SYT17: variants seen among roughly 807,000 people sequenced by gnomAD.
The protein encoded by SYT17 is synaptotagmin-17.
In SYT17, 22 loss-of-function variants were observed where a neutral mutation model predicts 46.7. The ratio of observed to expected loss-of-function variants is 0.47; its 90% CI spans 0.34 to 0.67. The LOEUF (loss-of-function observed/expected upper bound fraction) is 0.67. Ranked by LOEUF, SYT17 falls within the 30% of genes least tolerant of loss-of-function variation. SYT17 has a pLI of 0.01. For synonymous variants in SYT17, 251 were observed against 248.4 expected (o/e 1.01, Z -0.10); for missense variants, 519 against 612.8 (o/e 0.85, Z 1.62).
chr16:19,232,900 T>C (rs1037560936), intron 7 of SYT17, among the ~76,000 whole-genome samples: 4 of 152,096 alleles, frequency 2.6e-5, no homozygotes, highest in South Asian at 4.2e-4. Context: ...CTGCACATTG[T>C]TTGACTCCCT....
intron 5 of SYT17, 54 bp downstream of exon 5, chr16:19,184,201 AT>A: frequency 6.5e-7 from 1 of 1,528,348 alleles, no homozygotes; most frequent in Non-Finnish European, 8.8e-7. Context: ...AAAAGTGATT[AT>A]TTTTATTTTA....
chr16:19,228,821 C>T (rs922353432), intron 7 of SYT17, among the ~76,000 whole-genome samples: 11 of 152,170 alleles, frequency 7.2e-5, no homozygotes, highest in Middle Eastern at 6.8e-3. Context: ...ACCTCTAGGC[C>T]GAGGAACCAA....
Position 19,196,418 on chromosome 16 carries a change from T to C in SYT17, c.951+12271T>C, listed in dbSNP as rs528622191. ...CCACCACACCCGGTTAATTTTTGTA[T>C]TTTTAGTAGAGACAAGGTTTCACCA... On this transcript the variant is annotated intron_variant, in intron 5 of 7. Transcript: ENST00000355377. Among the ~76,000 whole-genome samples, 20 of 152,122 alleles carry C rather than the reference T, an allele frequency of 1.3e-4. No homozygotes were observed. The East Asian group carries it at 3.9e-3, about 29-fold the overall frequency.
In SYT17 at chr16:19,233,034, A is replaced by G. The variant is rs547284657; in HGVS notation, c.1228+8196A>G. Among the ~76,000 whole-genome samples the G allele has an allele frequency of 2.5e-4, 38 of 152,198 alleles. No homozygotes were observed. In the South Asian group the frequency reaches 7.7e-3, roughly 31 times the overall value. On this transcript the variant is annotated intron_variant, in intron 7 of 7. Coordinates refer to ENST00000355377, the MANE Select transcript of SYT17 (RefSeq NM_016524.4). ...TTTTGGGGTTTTGGAAGGCATCTGT[A>G]TTCTTCAAAGCTCCCAGGTGGCTCT... is the stretch of plus-strand genomic sequence containing the variant.
At chr16:19,214,502 C>T (rs188229055) in intron 5 of SYT17, among the ~76,000 whole-genome samples, 2 of 152,046 alleles carry the variant, frequency 1.3e-5, no homozygotes, top group East Asian at 3.9e-4. Flanking sequence ...GCTTGGCCCT[C>T]GTCAGCTTTT....
intron 7 of SYT17, among the ~76,000 whole-genome samples, chr16:19,246,996 G>T (rs1191820365): frequency 1.3e-5 from 2 of 152,136 alleles, no homozygotes; most frequent in Non-Finnish European, 2.9e-5. Flanking sequence ...ATGGGGTGAG[G>T]GTGACAGTTA....
Position 19,196,908 on chromosome 16 carries a change from C to T in SYT17, c.951+12761C>T, listed in dbSNP as rs192810169. Among the ~76,000 whole-genome samples the T allele has an allele frequency of 4.6e-5, 7 of 152,220 alleles. 1 individual carries two copies. Among genetic ancestry groups the T allele is most frequent in the African/African-American group, 1.4e-4 (6 of 41,522 alleles). On this transcript the variant is annotated intron_variant, in intron 5 of 7. Coordinates refer to ENST00000355377, the MANE Select transcript of SYT17 (RefSeq NM_016524.4). ...AATTTGAGGTGCTCAGAGTTATGTG[C>T]TCATTGGACCCGGTACTTGGAAACT...
chr16:19,247,740 A>G (rs1025534167), intron 7 of SYT17, among the ~76,000 whole-genome samples: 1 of 152,238 alleles, frequency 6.6e-6, no homozygotes, highest in Non-Finnish European at 1.5e-5. Flanking sequence ...CTTTATTTTT[A>G]ATTATGTAAT....
At chr16:19,208,590 A>C (rs965792881) in intron 5 of SYT17, among the ~76,000 whole-genome samples, 10 of 152,158 alleles carry the variant, frequency 6.6e-5, no homozygotes, top group Non-Finnish European at 1.3e-4. Context: ...CCCTCCCCTG[A>C]CATGTGGGGA....
chr16:19,229,969 T>C (rs887020349), intron 7 of SYT17, among the ~76,000 whole-genome samples: 16 of 152,118 alleles, frequency 1.1e-4, no homozygotes, highest in Admixed American at 3.3e-4. Context: ...AGAGGACAAA[T>C]GCCGTATCAT....
At chr16:19,255,905 A>G (rs943106556) in intron 7 of SYT17, among the ~76,000 whole-genome samples, 1 of 152,172 alleles carries the variant, frequency 6.6e-6, no homozygotes, top group Non-Finnish European at 1.5e-5. Context: ...CCAGGCATCA[A>G]GGAGCCCACA....
intron 5 of SYT17, among the ~76,000 whole-genome samples, chr16:19,192,925 G>A (rs1308225112): frequency 6.6e-6 from 1 of 152,190 alleles, no homozygotes; most frequent in Non-Finnish European, 1.5e-5. Flanking sequence ...CCACATCCTG[G>A]GTGAGAGGCC....
At chr16:19,228,500 A>G (rs1476682604) in intron 7 of SYT17, among the ~76,000 whole-genome samples, 2 of 152,244 alleles carry the variant, frequency 1.3e-5, no homozygotes, top group Non-Finnish European at 2.9e-5. Context: ...GAGCTTTAAA[A>G]TGCTACCAAT....
At chr16:19,216,632 G>A (rs962766699) in intron 5 of SYT17, among the ~76,000 whole-genome samples, 9 of 152,080 alleles carry the variant, frequency 5.9e-5, no homozygotes, top group Admixed American at 5.9e-4. Flanking sequence ...AACATGCGGT[G>A]TTTGGTTTTC....
intron 7 of SYT17, among the ~76,000 whole-genome samples, chr16:19,265,668 T>G (rs972791415): frequency 6.6e-6 from 1 of 152,228 alleles, no homozygotes; most frequent in Non-Finnish European, 1.5e-5. Flanking sequence ...ATATTTCCCA[T>G]TCTGTAGCCC....
chr16:19,186,226 C>T (rs142812458), intron 5 of SYT17, among the ~76,000 whole-genome samples: 2 of 152,168 alleles, frequency 1.3e-5, no homozygotes, highest in East Asian at 3.9e-4. Flanking sequence ...CCTGTAATCC[C>T]AGCACTTTGG....
intron 7 of SYT17, among the ~76,000 whole-genome samples, chr16:19,252,450 C>CATATATACATATATATATACATAT (rs1288559164): frequency 1.7e-4 from 4 of 23,102 alleles, no homozygotes; most frequent in Non-Finnish European, 2.4e-4. Flanking sequence ...TATATATACA[C>CATATATACATATATATATACATAT]ATATATACAT....
At chr16:19,230,736 C>G (rs1433184168) in intron 7 of SYT17, among the ~76,000 whole-genome samples, 2 of 152,178 alleles carry the variant, frequency 1.3e-5, no homozygotes, top group Non-Finnish European at 2.9e-5. Context: ...TTGTGACTTA[C>G]TTGCTGTGTA....
chr16:19,249,982 C>T lies in SYT17; in HGVS notation c.1229-16898C>T, dbSNP rs533362694. 7.8e-6 allele frequency: 12 copies of T among 1,535,982 alleles called. No homozygotes were observed. The East Asian group carries it at 2.0e-4, about 25-fold the overall frequency. Reference sequence around the variant, plus strand: ...ACCAGCCTGCGAACTGAGTAGTCACCCAGCTCATGGTATCAGTCCTTGGAT... The same window carrying T: ...ACCAGCCTGCGAACTGAGTAGTCACTCAGCTCATGGTATCAGTCCTTGGAT... On this transcript the variant is annotated intron_variant, in intron 7 of 7. Coordinates refer to ENST00000355377, the MANE Select transcript of SYT17 (RefSeq NM_016524.4).
Sources: gnomAD v4.1 joint callset for allele counts (sites outside exome capture counted in the v4.1 genomes callset) on GRCh38, gnomAD v4.1.1 for gene constraint, MANE v1.5 for transcripts, NCBI Gene and HGNC (gene_info 2026-07-23, HGNC 2026-07-21) for gene names.